Variants in SETBP1 observed in about 807,000 individuals in gnomAD.
SETBP1 encodes the protein SET-binding protein.
SETBP1 carries 9 observed loss-of-function variants against 101.0 expected under a neutral mutation model. The ratio of observed to expected loss-of-function variants is 0.09; its 90% CI spans 0.05 to 0.16. The LOEUF (loss-of-function observed/expected upper bound fraction) is 0.16, where lower values mean the gene tolerates loss of function less well. Ranked by LOEUF, SETBP1 falls within the 10% of genes least tolerant of loss-of-function variation. The probability of loss-of-function intolerance (pLI) is 1.00; values close to 1 mark genes in which losing one functional copy is unlikely to be tolerated. For missense variants in SETBP1, 1,858 were observed against 2,033.8 expected, an observed-to-expected ratio of 0.91 and a Z score of 1.66; for synonymous variants, 818 against 788.5, an observed-to-expected ratio of 1.04 and a Z score of -0.63.
chr18:44,916,261 T>C (rs1478083839), intron 3 of SETBP1, among the ~76,000 whole-genome samples: 1 of 152,150 alleles, frequency 6.6e-6, no homozygotes. Context: ...TCTTTTTCTT[T>C]CCAAATCATC....
chr18:44,913,665 C>T (rs150187557), intron 3 of SETBP1, among the ~76,000 whole-genome samples: 8 of 152,304 alleles, frequency 5.3e-5, no homozygotes, highest in East Asian at 3.9e-4. Flanking sequence ...CTACCATTAC[C>T]GGTCCAAACT....
At chr18:44,681,295 T>C (rs1256075469) in intron 1 of SETBP1, among the ~76,000 whole-genome samples, 1 of 152,202 alleles carries the variant, frequency 6.6e-6, no homozygotes, top group Admixed American at 6.5e-5. Flanking sequence ...TTTATTGTTT[T>C]TGTCTTCCAA....
chr18:44,817,069 C>T (rs745491761), intron 2 of SETBP1, among the ~76,000 whole-genome samples: 23 of 152,164 alleles, frequency 1.5e-4, no homozygotes, highest in African/African-American at 5.3e-4. Flanking sequence ...CGACAGGAGG[C>T]GGATCTGCAC....
chr18:44,707,346 T>C (rs1338245618), intron 2 of SETBP1, among the ~76,000 whole-genome samples: 1 of 152,260 alleles, frequency 6.6e-6, no homozygotes, highest in Non-Finnish European at 1.5e-5. Flanking sequence ...CAAAGCTCAC[T>C]AGTTAAAGCC....
At chr18:44,954,340 A>C (rs1378920694) in intron 4 of SETBP1, among the ~76,000 whole-genome samples, 1 of 149,488 alleles carries the variant, frequency 6.7e-6, no homozygotes. Context: ...AAAAAAAAAA[A>C]AAAAAAAAAA....
chr18:44,844,127 T>A (rs1383446004), intron 2 of SETBP1, among the ~76,000 whole-genome samples: 1 of 152,188 alleles, frequency 6.6e-6, no homozygotes, highest in Non-Finnish European at 1.5e-5. Context: ...ACGTATTTTC[T>A]CCCTCAAATA....
intron 2 of SETBP1, among the ~76,000 whole-genome samples, chr18:44,852,298 G>C (rs2072884941): frequency 6.6e-6 from 1 of 152,298 alleles, no homozygotes; most frequent in Admixed American, 6.5e-5. Flanking sequence ...AGTAACCTCA[G>C]TGCCCTCAGC....
intron 2 of SETBP1, among the ~76,000 whole-genome samples, chr18:44,821,010 G>T (rs1462390181): frequency 6.6e-6 from 1 of 152,166 alleles, no homozygotes; most frequent in Non-Finnish European, 1.5e-5. Context: ...TAAGGATCTT[G>T]CTCCCCACAG....
intron 4 of SETBP1, among the ~76,000 whole-genome samples, chr18:44,996,972 CCTTCAA>C (rs1346949810): frequency 6.6e-6 from 1 of 152,148 alleles, no homozygotes; most frequent in Non-Finnish European, 1.5e-5. Context: ...CAGAGTGTTT[CCTTCAA>C]GACTCTTTAT....
At chr18:44,697,635 G>T (rs535172851) in intron 1 of SETBP1, among the ~76,000 whole-genome samples, 353 of 152,340 alleles carry the variant, frequency 2.3e-3, no homozygotes, top group Non-Finnish European at 4.0e-3. Context: ...CTACAGTTAG[G>T]CTCAACCTGA....
chr18:44,848,026 C>A (rs2072758103), intron 2 of SETBP1, among the ~76,000 whole-genome samples: 3 of 151,912 alleles, frequency 2.0e-5, no homozygotes, highest in Admixed American at 2.0e-4. Flanking sequence ...GCTTCAGGGC[C>A]AGACCTCACC....
intron 2 of SETBP1, among the ~76,000 whole-genome samples, chr18:44,813,316 G>C (rs1258853364): frequency 6.6e-6 from 1 of 152,140 alleles, no homozygotes; most frequent in African/African-American, 2.4e-5. Context: ...ACTTCTGGCT[G>C]TTTCCTGGGA....
Position 44,952,590 on chromosome 18 carries a change from C to T in SETBP1, c.3250C>T (p.Pro1084Ser). Residue 1084 changes from proline to serine, a missense_variant, in exon 4 of 6, where the codon CCA (proline) becomes TCA (serine). By Grantham distance (74) the Pro-to-Ser change is moderately conservative. This residue lies in a region of SETBP1 where 255 missense variants were observed against 300.1 expected (regional missense o/e 0.85). Coordinates refer to ENST00000649279, the MANE Select transcript of SETBP1 (RefSeq NM_015559.3). ...ATCGCACACGCTTGGAGCAGCTTCCCCATTCATGAGGCCAACAGTGCCACC... is the reference window on the plus strand; with the variant it reads ...ATCGCACACGCTTGGAGCAGCTTCCTCATTCATGAGGCCAACAGTGCCACC... ...YLSHTLGAASPFMRPTVPPPQ... is the reference protein window; with the variant it reads ...YLSHTLGAASSFMRPTVPPPQ... 6.2e-7 allele frequency: 1 copy of T among 1,613,758 alleles called. No individual in the cohort carries two copies.
intron 4 of SETBP1, among the ~76,000 whole-genome samples, chr18:44,993,134 G>A (rs1049886357): frequency 2.0e-5 from 3 of 151,984 alleles, no homozygotes; most frequent in African/African-American, 4.8e-5. Context: ...CTCAGCAAAC[G>A]AAGAATAAAA....
chr18:44,814,772 G>C (rs1049286029), intron 2 of SETBP1, among the ~76,000 whole-genome samples: 6 of 152,234 alleles, frequency 3.9e-5, no homozygotes, highest in Non-Finnish European at 7.3e-5. Flanking sequence ...TAGTATTCCA[G>C]AATGTCAGAA....
intron 2 of SETBP1, among the ~76,000 whole-genome samples, chr18:44,818,729 TGAAAA>T (rs1305268507): frequency 3.4e-5 from 5 of 145,070 alleles, no homozygotes; most frequent in African/African-American, 5.1e-5. Context: ...TTTCTTTTTA[TGAAAA>T]GAAAAGACAC....
rs191248859 is a variant in SETBP1 at position 44,782,104 on chromosome 18, C to T, written c.486+80272C>T. 2.6e-5 allele frequency among the ~76,000 whole-genome samples: 4 copies of T among 152,268 alleles called. No homozygotes were observed. The East Asian group carries it at 7.7e-4, about 29-fold the overall frequency. On this transcript the variant is annotated intron_variant, in intron 2 of 5. Coordinates refer to ENST00000649279, the MANE Select transcript of SETBP1 (RefSeq NM_015559.3). ...TGTTAGGAATGCAGAACGACCTCAA[C>T]CAGAACATCAGAAGCCACTTAAGAG... is the stretch of plus-strand genomic sequence containing the variant.
intron 2 of SETBP1, among the ~76,000 whole-genome samples, chr18:44,798,299 A>G (rs1488232587): frequency 1.3e-5 from 2 of 152,186 alleles, no homozygotes; most frequent in Non-Finnish European, 2.9e-5. Context: ...TGAAGATCTC[A>G]TAGATAGATC....
chr18:44,820,172 C>T (rs115761313), intron 2 of SETBP1, among the ~76,000 whole-genome samples: 97 of 152,318 alleles, frequency 6.4e-4, no homozygotes, highest in African/African-American at 2.2e-3. Context: ...CCCAGCTGAG[C>T]GCCACGTGGC....
Sources: gnomAD v4.1 joint callset for allele counts (sites outside exome capture counted in the v4.1 genomes callset) on GRCh38, gnomAD v4.1.1 for gene constraint, gnomAD v4.1.1 regional missense constraint, MANE v1.5 for transcripts, NCBI Gene and HGNC (gene_info 2026-07-23, HGNC 2026-07-21) for gene names.